Variants in NFIB observed in about 807,000 individuals in gnomAD.
The protein encoded by NFIB is nuclear factor I B, also known as nuclear factor 1 B-type.
In NFIB, 11 loss-of-function variants were observed where a neutral mutation model predicts 61.5. The observed-to-expected ratio is 0.18, with a 90% CI of 0.11 to 0.30. The LOEUF (loss-of-function observed/expected upper bound fraction) is 0.30, where lower values mean the gene tolerates loss of function less well. NFIB is among the 10% of genes least tolerant of loss of function. NFIB has a pLI of 1.00. For missense variants in NFIB, 471 were observed against 608.9 expected (o/e 0.77, Z 2.38); for synonymous variants, 260 against 216.5 (o/e 1.20, Z -1.76).
At chr9:14,204,774 TG>T in intron 2 of NFIB, 1 of 526,066 alleles carries the variant, frequency 1.9e-6, no homozygotes. Flanking sequence ...TGTCGTAAAA[TG>T]GGGGTCCCTT....
At chr9:14,258,507 A>G (rs2056442206) in intron 2 of NFIB, among the ~76,000 whole-genome samples, 5 of 152,236 alleles carry the variant, frequency 3.3e-5, no homozygotes, top group Admixed American at 3.3e-4. Flanking sequence ...ACAAAGACAG[A>G]TGATGTTGCA....
At chr9:14,150,415 G>T in intron 4 of NFIB, 150 bp from the exon 5 acceptor site, 1 of 1,347,914 alleles carries the variant, frequency 7.4e-7, no homozygotes, top group South Asian at 1.4e-5. Flanking sequence ...TACAACCTGG[G>T]TAGGACCTGA....
intron 1 of NFIB, among the ~76,000 whole-genome samples, chr9:14,351,673 GT>G (rs2061114489): frequency 2.6e-5 from 4 of 152,200 alleles, no homozygotes; most frequent in Admixed American, 2.6e-4. Flanking sequence ...CCTAGAAAGA[GT>G]TTCTGTCTGA....
intron 1 of NFIB, among the ~76,000 whole-genome samples, chr9:14,358,609 C>T (rs913304132): frequency 6.6e-6 from 1 of 152,170 alleles, no homozygotes; most frequent in South Asian, 2.1e-4. Context: ...CCCAATGTTA[C>T]TTTCTCCTTC....
chr9:14,254,578 T>C (rs2056014297), intron 2 of NFIB, among the ~76,000 whole-genome samples: 1 of 152,186 alleles, frequency 6.6e-6, no homozygotes. Context: ...TAATTTATTT[T>C]ACAGTACTCC....
chr9:14,112,890 C>T, intron 10 of NFIB, 109 bp downstream of exon 10: 3 of 985,636 alleles, frequency 3.0e-6, no homozygotes, highest in Non-Finnish European at 4.5e-6. Context: ...CAGTTTTGGT[C>T]TCAGAAGCCC....
intron 10 of NFIB, among the ~76,000 whole-genome samples, chr9:14,092,994 A>G (rs779756685): frequency 9.2e-5 from 14 of 151,988 alleles, no homozygotes; most frequent in Non-Finnish European, 1.8e-4. Context: ...GTTTTTTTAA[A>G]ATTATGCATT....
At chr9:14,272,673 C>T (rs973405579) in intron 2 of NFIB, among the ~76,000 whole-genome samples, 3 of 107,614 alleles carry the variant, frequency 2.8e-5, no homozygotes, top group Non-Finnish European at 5.1e-5. Context: ...ACAGTAGCAA[C>T]AGCTATAATC....
At chr9:14,271,606 A>T (rs1386029615) in intron 2 of NFIB, among the ~76,000 whole-genome samples, 1 of 152,168 alleles carries the variant, frequency 6.6e-6, no homozygotes. Context: ...CACCTTTCAG[A>T]GACTGGAAAT....
At chr9:14,262,096 G>C (rs1427399945) in intron 2 of NFIB, among the ~76,000 whole-genome samples, 2 of 152,010 alleles carry the variant, frequency 1.3e-5, no homozygotes, top group African/African-American at 2.4e-5. Context: ...ATCTACACAG[G>C]GCACTAAGAT....
At chr9:14,414,657 T>C in the NFIB span, among the ~76,000 whole-genome samples, 1 of 151,830 alleles carries the variant, frequency 6.6e-6, no homozygotes, top group South Asian at 2.1e-4. Context: ...TGAATTAGTA[T>C]CTACAAAGCA....
chr9:14,087,360 C>T lies in NFIB; in HGVS notation c.*949G>A. ...AATTATTTTAAATTCTTTTTAATCC[C>T]CTCAATTTAGAGTCCAAGGGCTGAA... On this transcript the variant is annotated 3_prime_UTR_variant, in exon 11 of 11. Coordinates refer to ENST00000380953, the MANE Select transcript of NFIB (RefSeq NM_001190737.2). The T allele has an allele frequency of 4.8e-6, 1 of 206,864 alleles. No individual in the cohort carries two copies. The highest frequency in any genetic ancestry group is 9.9e-6 in the Non-Finnish European group (1 of 101,120). 12.8% of individuals were successfully genotyped at this position (206,864 alleles called of 1,614,324 possible). A position where few individuals can be genotyped will look rare whatever the true frequency, so the allele number is the denominator to read the frequency against.
intron 2 of NFIB, among the ~76,000 whole-genome samples, chr9:14,200,607 C>T (rs1219059628): frequency 2.6e-5 from 4 of 152,062 alleles, no homozygotes; most frequent in Non-Finnish European, 5.9e-5. Context: ...TGGAAATTCT[C>T]CTTCCCTTTT....
At position 14,165,950 on chromosome 9, in the gene NFIB, T is replaced by G. The variant is rs564693650; in HGVS notation, c.617-10057A>C. On this transcript the variant is annotated intron_variant, in intron 3 of 10. Coordinates refer to ENST00000380953, the MANE Select transcript of NFIB (RefSeq NM_001190737.2). ...TGGTTGCACAATGACGTGAATACAT[T>G]TCACACTACTGTATTGTACACTTAA... 3.9e-5 allele frequency among the ~76,000 whole-genome samples: 6 copies of G among 152,282 alleles called. No individual in the cohort carries two copies. The South Asian group carries it at 1.2e-3, about 32-fold the overall frequency.
chr9:14,286,061 G>C (rs2058688533), intron 2 of NFIB, among the ~76,000 whole-genome samples: 1 of 152,184 alleles, frequency 6.6e-6, no homozygotes, highest in Non-Finnish European at 1.5e-5. Flanking sequence ...GCCCCTTGAT[G>C]ATGGGACACC....
At chr9:14,473,002 T>C in the NFIB span, among the ~76,000 whole-genome samples, 1 of 152,212 alleles carries the variant, frequency 6.6e-6, no homozygotes, top group African/African-American at 2.4e-5. Flanking sequence ...GTGAAGCATC[T>C]TAACATCCAG....
Position 14,237,763 on chromosome 9 carries a change from A to AGTGTGT in NFIB, c.563-57989_563-57984dup, listed in dbSNP as rs71321971. Among the ~76,000 whole-genome samples, 505 of 85,116 alleles carry AGTGTGT rather than the reference A, an allele frequency of 5.9e-3. 57 individuals carry two copies. The highest frequency in any genetic ancestry group is 0.018 in the East Asian group (38 of 2,122). The allele number at this position is 85,116 out of a possible 152,430, so 55.8% of individuals were successfully genotyped here. A position where few individuals can be genotyped will look rare whatever the true frequency, so the allele number is the denominator to read the frequency against. ...AGCTCCTCACCCTGCTAGGTATAAC[A>AGTGTGT]GTGTGTGTGTGTGTGTGTGTGTGTG... On this transcript the variant is annotated intron_variant, in intron 2 of 10. Coordinates refer to ENST00000380953, the MANE Select transcript of NFIB (RefSeq NM_001190737.2).
At chr9:14,227,260 C>T (rs2052550131) in intron 2 of NFIB, among the ~76,000 whole-genome samples, 1 of 152,116 alleles carries the variant, frequency 6.6e-6, no homozygotes, top group African/African-American at 2.4e-5. Context: ...ATTTCTGCCA[C>T]CTATCATTGT....
the NFIB span, among the ~76,000 whole-genome samples, chr9:14,497,192 A>C: frequency 1.3e-5 from 2 of 152,198 alleles, no homozygotes; most frequent in Non-Finnish European, 2.9e-5. Context: ...AGAAGGCATC[A>C]ATGTTGTCAG....
Sources: gnomAD v4.1 joint callset for allele counts (sites outside exome capture counted in the v4.1 genomes callset) on GRCh38, gnomAD v4.1.1 for gene constraint, MANE v1.5 for transcripts, NCBI Gene and HGNC (gene_info 2026-07-23, HGNC 2026-07-21) for gene names.